The following CHCHD3 variants were observed in gnomAD, a reference collection of about 807,000 sequenced individuals.
CHCHD3 encodes MICOS complex subunit MIC19.
Under a neutral mutation model 38.2 loss-of-function variants are expected in CHCHD3, and 20 were observed. The ratio of observed to expected loss-of-function variants is 0.52; its 90% confidence interval spans 0.37 to 0.76. The LOEUF (loss-of-function observed/expected upper bound fraction) is 0.76, where lower values mean the gene tolerates loss of function less well. Among genes scored for constraint, CHCHD3 ranks in the 30% least tolerant of loss-of-function variants. The pLI, the probability that CHCHD3 is intolerant of heterozygous loss-of-function variation, is 0.00. For missense variants in CHCHD3, 245 were observed against 279.2 expected (o/e 0.88, Z 0.87); for synonymous variants, 82 against 100.0 (o/e 0.82, Z 1.07).
chr7:133,080,906 AT>A (rs60155689), intron 1 of CHCHD3, among the ~76,000 whole-genome samples: 13,901 of 152,094 alleles, frequency 0.091, 1,399 homozygotes, highest in African/African-American at 0.21. Flanking sequence ...ACAGAAAAAA[AT>A]ATATAAATTA....
rs191961767 is a variant in CHCHD3 at position 132,868,686 on chromosome 7, C to G, written c.453+16976G>C. Among the ~76,000 whole-genome samples, 569 of 152,066 alleles carry G rather than the reference C, an allele frequency of 3.7e-3. 4 individuals carry two copies. The highest frequency in any genetic ancestry group is 5.8e-3 in the Non-Finnish European group (393 of 67,974). Reference sequence around the variant, plus strand: ...CTAAAGAAAATTGATATAAACATCCCAATGTCATTTTGCCAAAGCCAAGAC... The same window carrying G: ...CTAAAGAAAATTGATATAAACATCCGAATGTCATTTTGCCAAAGCCAAGAC... On this transcript the variant is annotated intron_variant, in intron 5 of 7. Transcript: ENST00000262570.
chr7:132,913,948 CTTTTTTTTTTTT>C (rs71178066), intron 4 of CHCHD3, among the ~76,000 whole-genome samples: 2 of 102,346 alleles, frequency 2.0e-5, no homozygotes, highest in African/African-American at 7.4e-5. Context: ...TTTTCTTTTT[CTTTTTTTTTTTT>C]TTTTTTTTTG....
rs948541237 is a variant in CHCHD3 at position 132,957,093 on chromosome 7, T to C, written c.369+18076A>G. On this transcript the variant is annotated intron_variant, in intron 4 of 7. Coordinates refer to ENST00000262570, the MANE Select transcript of CHCHD3 (RefSeq NM_017812.4). ...TCTCTGTTCAGCAATCCTGAGAGCC[T>C]CTCTGAAAACCACCACAAAGACTGA... Among the ~76,000 whole-genome samples the C allele has an allele frequency of 1.1e-4, 17 of 152,128 alleles. 1 individual carries two copies. Among genetic ancestry groups the C allele is most frequent in the Admixed American group, 6.5e-4 (10 of 15,274 alleles).
intron 4 of CHCHD3, among the ~76,000 whole-genome samples, chr7:132,887,945 C>T (rs1390571709): frequency 6.6e-6 from 1 of 151,692 alleles, no homozygotes; most frequent in Non-Finnish European, 1.5e-5. Flanking sequence ...ACTTATGGTA[C>T]TCAAGTACTA....
intron 3 of CHCHD3, among the ~76,000 whole-genome samples, chr7:133,000,396 G>A (rs943627642): frequency 7.9e-5 from 12 of 152,026 alleles, no homozygotes; most frequent in Admixed American, 2.0e-4. Context: ...CATTTTTACC[G>A]AGCACAATCC....
chr7:133,022,252 G>A (rs897108210), intron 3 of CHCHD3, among the ~76,000 whole-genome samples: 1 of 152,180 alleles, frequency 6.6e-6, no homozygotes, highest in East Asian at 1.9e-4. Context: ...GCTATGAAGT[G>A]CTTGAGAACT....
intron 2 of CHCHD3, among the ~76,000 whole-genome samples, chr7:133,042,581 C>T (rs1219793254): frequency 6.6e-6 from 1 of 152,324 alleles, no homozygotes; most frequent in East Asian, 1.9e-4. Flanking sequence ...TCATTCAAAA[C>T]TGGCTCTAGT....
intron 5 of CHCHD3, among the ~76,000 whole-genome samples, chr7:132,860,332 G>A (rs1390115390): frequency 1.6e-4 from 24 of 149,484 alleles, no homozygotes; most frequent in Admixed American, 6.0e-4. Flanking sequence ...GAGAGAGAGA[G>A]AGAACACAAT....
At chr7:132,960,018 G>A (rs902700052) in intron 4 of CHCHD3, among the ~76,000 whole-genome samples, 1 of 152,194 alleles carries the variant, frequency 6.6e-6, no homozygotes, top group Non-Finnish European at 1.5e-5. Context: ...TGAAAAACTT[G>A]CAGTCTTGGC....
At chr7:132,945,324 C>A (rs986714415) in intron 4 of CHCHD3, among the ~76,000 whole-genome samples, 4 of 151,876 alleles carry the variant, frequency 2.6e-5, no homozygotes, top group Non-Finnish European at 5.9e-5. Flanking sequence ...AGAAATAATG[C>A]TTTTCAAGTA....
At chr7:132,983,577 A>G (rs555098061) in intron 3 of CHCHD3, among the ~76,000 whole-genome samples, 2 of 152,350 alleles carry the variant, frequency 1.3e-5, no homozygotes, top group African/African-American at 2.4e-5. Flanking sequence ...TAGTCTCTCC[A>G]GTAAATTGCA....
intron 3 of CHCHD3, among the ~76,000 whole-genome samples, chr7:133,008,805 T>G (rs1477046187): frequency 6.6e-6 from 1 of 152,162 alleles, no homozygotes; most frequent in Non-Finnish European, 1.5e-5. Context: ...TTTGTGCAGC[T>G]TCCCAAAGGA....
At chr7:132,892,862 C>T (rs537327285) in intron 4 of CHCHD3, among the ~76,000 whole-genome samples, 84 of 152,318 alleles carry the variant, frequency 5.5e-4, no homozygotes, top group African/African-American at 1.9e-3. Context: ...TTGAGGTTTG[C>T]GAACCTCCAC....
intron 6 of CHCHD3, among the ~76,000 whole-genome samples, chr7:132,818,579 A>T (rs958668184): frequency 1.3e-5 from 2 of 152,198 alleles, no homozygotes; most frequent in African/African-American, 4.8e-5. Context: ...TGAAGTATTT[A>T]ATTGGTGTTC....
chr7:132,797,783 C>T (rs1185598587), intron 6 of CHCHD3, among the ~76,000 whole-genome samples: 2 of 151,954 alleles, frequency 1.3e-5, no homozygotes, highest in Non-Finnish European at 2.9e-5. Flanking sequence ...GATAATGAAC[C>T]AAATGAGTTA....
chr7:133,075,925 G>A (rs1814976283), intron 1 of CHCHD3, among the ~76,000 whole-genome samples: 1 of 151,964 alleles, frequency 6.6e-6, no homozygotes, highest in Non-Finnish European at 1.5e-5. Flanking sequence ...CAGGTATGGT[G>A]GTGGGTGCCT....
At chr7:132,826,655 G>A (rs527537312) in intron 6 of CHCHD3, among the ~76,000 whole-genome samples, 1 of 152,214 alleles carries the variant, frequency 6.6e-6, no homozygotes, top group Non-Finnish European at 1.5e-5. Context: ...ATATGAACAT[G>A]TGTGCTTTCA....
chr7:132,895,981 C>T (rs772837383), intron 4 of CHCHD3, among the ~76,000 whole-genome samples: 5 of 152,102 alleles, frequency 3.3e-5, no homozygotes, highest in African/African-American at 1.2e-4. Context: ...TTTTACAAAA[C>T]GGGTCATATG....
chr7:132,871,615 C>T (rs1808768988), intron 5 of CHCHD3, among the ~76,000 whole-genome samples: 1 of 152,174 alleles, frequency 6.6e-6, no homozygotes, highest in South Asian at 2.1e-4. Context: ...TCTATTTCCG[C>T]TGCCCACGTC....
Sources: gnomAD v4.1 joint callset for allele counts (sites outside exome capture counted in the v4.1 genomes callset) on GRCh38, gnomAD v4.1.1 for gene constraint, MANE v1.5 for transcripts, NCBI Gene and HGNC (gene_info 2026-07-23, HGNC 2026-07-21) for gene names.